RIMKLB: variants seen among roughly 807,000 people sequenced by gnomAD.
The protein encoded by RIMKLB is beta-citrylglutamate synthase B.
RIMKLB carries 7 observed loss-of-function variants against 32.0 expected under a neutral mutation model. The ratio of observed to expected loss-of-function variants is 0.22; its 90% CI spans 0.12 to 0.41. The LOEUF is 0.41. RIMKLB is among the 10% of genes least tolerant of loss of function. The probability of loss-of-function intolerance (pLI) is 1.00; values close to 1 mark genes in which losing one functional copy is unlikely to be tolerated. For missense variants in RIMKLB, 289 were observed against 498.7 expected (o/e 0.58, Z 4.00); for synonymous variants, 172 against 185.1 (o/e 0.93, Z 0.57).
At chr12:8,700,293 CTT>C (rs1216579188) in intron 1 of RIMKLB, 1 of 152,232 alleles carries the variant, frequency 6.6e-6, no homozygotes. Context: ...AGAAACATCT[CTT>C]TTAAAATATC....
At chr12:8,713,302 ATT>A (rs56736946) in intron 1 of RIMKLB, among the ~76,000 whole-genome samples, 17 of 149,834 alleles carry the variant, frequency 1.1e-4, no homozygotes, top group African/African-American at 3.9e-4. Context: ...GCTACTACCT[ATT>A]TTTTTTTTCT....
chr12:8,758,653 C>T (rs1249013134), intron 5 of RIMKLB, among the ~76,000 whole-genome samples: 2 of 152,142 alleles, frequency 1.3e-5, no homozygotes, highest in East Asian at 3.8e-4. Flanking sequence ...CTTGAATAGT[C>T]TTCTAAAAGC....
rs773164418 is a variant in RIMKLB at position 8,754,065 on chromosome 12, T to C, written c.669T>C (p.Asp223=). 1 of 1,614,028 alleles carries C rather than the reference T, an allele frequency of 6.2e-7. No individual in the cohort carries two copies. Among genetic ancestry groups the C allele is most frequent in the East Asian group, 2.2e-5 (1 of 44,880 alleles). Residue 223 remains aspartate (D), a synonymous_variant, in exon 5 of 6, where the codon GAT becomes GAC. Transcript: ENST00000535829. Reference sequence around the variant, plus strand: ...GCACCATGTTACGTTGTTCAACAGATGGGAGAATGCAAAGCAACTGCTCAT... The same window carrying C: ...GCACCATGTTACGTTGTTCAACAGACGGGAGAATGCAAAGCAACTGCTCAT... ...VVGTMLRCST[D]GRMQSNCSLG...
chr12:8,767,509 C>T (rs921198403), intron 5 of RIMKLB, among the ~76,000 whole-genome samples: 2 of 152,144 alleles, frequency 1.3e-5, no homozygotes, highest in Non-Finnish European at 2.9e-5. Flanking sequence ...GAAGTAGATT[C>T]AGAGGTAAGG....
downstream of RIMKLB, chr12:8,777,215 C>CTTGTTTTTTTTTTT (rs1950777866): frequency 1.6e-6 from 1 of 644,908 alleles, no homozygotes; most frequent in Admixed American, 1.8e-4. Flanking sequence ...TGCTTGCTTT[C>CTTGTTTTTTTTTTT]TTTTTTTTTT....
chr12:8,676,946 C>T (rs1942346750), upstream of RIMKLB, among the ~76,000 whole-genome samples: 1 of 152,036 alleles, frequency 6.6e-6, no homozygotes, highest in African/African-American at 2.4e-5. Flanking sequence ...ATTGGAATGT[C>T]ACCACTCGGG....
At chr12:8,713,691 T>C in intron 1 of RIMKLB, 120 bp from the exon 2 acceptor site, 1 of 643,486 alleles carries the variant, frequency 1.6e-6, no homozygotes, top group Non-Finnish European at 2.7e-6. Flanking sequence ...ACAATATCTC[T>C]ACACGTGTTT....
At chr12:8,701,204 C>T (rs953578731) in intron 1 of RIMKLB, among the ~76,000 whole-genome samples, 5 of 152,156 alleles carry the variant, frequency 3.3e-5, no homozygotes, top group East Asian at 1.9e-4. Flanking sequence ...AGGGAGATTA[C>T]GTACAGATGT....
At chr12:8,722,447 C>T (rs1171900286) in intron 2 of RIMKLB, among the ~76,000 whole-genome samples, 2 of 152,046 alleles carry the variant, frequency 1.3e-5, no homozygotes, top group African/African-American at 4.8e-5. Context: ...AGCAGATGTG[C>T]TGTCATTCAG....
In RIMKLB at chr12:8,773,666, C is replaced by G. The variant is rs761088763; in HGVS notation, c.1043C>G (p.Ser348Cys). 9 of 1,614,236 alleles carry G rather than the reference C, an allele frequency of 5.6e-6. No individual in the cohort carries two copies. In the Admixed American group the frequency reaches 1.2e-4, roughly 21 times the overall value. The change falls in exon 6 of 6, where the codon TCC (serine) becomes TGC (cysteine). Residue 348 changes from serine to cysteine, a missense_variant. By Grantham distance (112) the Ser-to-Cys change is moderately radical. Coordinates refer to ENST00000535829, the MANE Select transcript of RIMKLB (RefSeq NM_001297776.2). ...GCTGTTGACAACATGAGTGCAAGTT[C>G]CAGCTCTGTTGACAGCGACCCTGAA... is the stretch of plus-strand genomic sequence containing the variant. ...STAVDNMSAS[S>C]SSVDSDPEST...
intron 2 of RIMKLB, among the ~76,000 whole-genome samples, chr12:8,716,329 A>G (rs1241926941): frequency 2.0e-5 from 3 of 152,014 alleles, no homozygotes; most frequent in African/African-American, 7.2e-5. Context: ...ATCACAGTGG[A>G]ACTTGCTTTT....
chr12:8,767,805 AC>A lies in RIMKLB; in HGVS notation c.698-5514del, dbSNP rs1950094381. Among the ~76,000 whole-genome samples the A allele has an allele frequency of 2.0e-5, 3 of 152,174 alleles. No homozygotes were observed. In the South Asian group the frequency reaches 6.2e-4, roughly 31 times the overall value. On this transcript the variant is annotated intron_variant, in intron 5 of 5. Coordinates refer to ENST00000535829, the MANE Select transcript of RIMKLB (RefSeq NM_001297776.2). ...AAAGCTCTTTCCCAGACAACCTCACACCTGAGTCTTAAGTCTGGCGGCCATG... is the reference window on the plus strand; with the variant it reads ...AAAGCTCTTTCCCAGACAACCTCACACTGAGTCTTAAGTCTGGCGGCCATG...
intron 1 of RIMKLB, among the ~76,000 whole-genome samples, chr12:8,683,071 T>A (rs1942462965): frequency 6.6e-6 from 1 of 152,044 alleles, no homozygotes; most frequent in South Asian, 2.1e-4. Context: ...TTCCTCCATG[T>A]CTTTTGGAGG....
upstream of RIMKLB, among the ~76,000 whole-genome samples, chr12:8,694,396 CTTT>C (rs34896689): frequency 2.4e-5 from 3 of 122,490 alleles, no homozygotes; most frequent in Admixed American, 9.3e-5. Flanking sequence ...AATTTTTTTT[CTTT>C]TTTTTTTTTT....
intron 5 of RIMKLB, among the ~76,000 whole-genome samples, chr12:8,756,438 G>A (rs77185541): frequency 0.065 from 9,904 of 152,050 alleles, 1,042 homozygotes; most frequent in African/African-American, 0.22. Context: ...ATGAATCTCA[G>A]AAACATAATG....
chr12:8,767,810 A>G (rs1346075233), intron 5 of RIMKLB, among the ~76,000 whole-genome samples: 2 of 152,176 alleles, frequency 1.3e-5, no homozygotes, highest in East Asian at 3.8e-4. Flanking sequence ...CTCACACCTG[A>G]GTCTTAAGTC....
At chr12:8,748,450 AG>A (rs1432914747) in intron 2 of RIMKLB, among the ~76,000 whole-genome samples, 1 of 151,398 alleles carries the variant, frequency 6.6e-6, no homozygotes, top group Non-Finnish European at 1.5e-5. Flanking sequence ...CTTACAGTTT[AG>A]GCTTTCCACA....
intron 1 of RIMKLB, among the ~76,000 whole-genome samples, chr12:8,712,134 GTT>G (rs373954159): frequency 1.9e-3 from 288 of 151,124 alleles, no homozygotes; most frequent in African/African-American, 6.8e-3. Flanking sequence ...AAGCCATAGT[GTT>G]TATATATTTT....
chr12:8,761,088 TC>T (rs1949480207), intron 5 of RIMKLB, among the ~76,000 whole-genome samples: 1 of 152,048 alleles, frequency 6.6e-6, no homozygotes, highest in South Asian at 2.1e-4. Flanking sequence ...AGTGGCTTAT[TC>T]CTGTAATCCC....
Sources: allele counts gnomAD v4.1 joint callset (sites outside exome capture counted in the v4.1 genomes callset), GRCh38; gene constraint gnomAD v4.1.1; transcripts MANE v1.5; gene names NCBI Gene and HGNC (gene_info 2026-07-23, HGNC 2026-07-21).